NCEH1: variants seen among roughly 807,000 people sequenced by gnomAD.
NCEH1 encodes the protein 2-acetyl MAGE hydrolase.
A neutral mutation model predicts 25.4 loss-of-function variants in NCEH1; 9 were observed. The ratio of observed to expected loss-of-function variants is 0.35; its 90% confidence interval spans 0.21 to 0.62. The LOEUF is 0.62. Ranked by LOEUF, NCEH1 falls within the 20% of genes least tolerant of loss-of-function variation. The pLI, the probability that NCEH1 is intolerant of heterozygous loss-of-function variation, is 0.72. For synonymous variants in NCEH1, 200 were observed against 199.8 expected (o/e 1.00, Z -0.01); for missense variants, 412 against 501.1 (o/e 0.82, Z 1.70).
In NCEH1 at chr3:172,643,712, T is replaced by C. The variant is rs560213949; in HGVS notation, c.437+1911A>G. Reference sequence around the variant, plus strand: ...TAGGGCATGTGGCCAAATAGTGATATTGAAGCCCGGAGGGTAGGCCCTGTG... The same window carrying C: ...TAGGGCATGTGGCCAAATAGTGATACTGAAGCCCGGAGGGTAGGCCCTGTG... On this transcript the variant is annotated intron_variant, in intron 3 of 4. Transcript: ENST00000475381. Among the ~76,000 whole-genome samples, 7 of 152,294 alleles carry C rather than the reference T, an allele frequency of 4.6e-5. No homozygotes were observed. In the East Asian group the frequency reaches 9.7e-4, roughly 21 times the overall value.
chr3:172,645,583 T>A (rs1717079732), intron 3 of NCEH1, 40 bp downstream of exon 3: 1 of 1,312,180 alleles, frequency 7.6e-7, no homozygotes, highest in African/African-American at 1.5e-5. Context: ...TAGAATTCCT[T>A]TATAAGAAAA....
At chr3:172,663,232 C>G (rs928547421) in intron 1 of NCEH1, among the ~76,000 whole-genome samples, 1 of 152,166 alleles carries the variant, frequency 6.6e-6, no homozygotes, top group Admixed American at 6.5e-5. Context: ...AGTAGTAATT[C>G]AGGAGCAGGT....
chr3:172,696,685 C>T (rs1467408979), intron 1 of NCEH1, among the ~76,000 whole-genome samples: 1 of 152,158 alleles, frequency 6.6e-6, no homozygotes, highest in Non-Finnish European at 1.5e-5. Flanking sequence ...AGTCCATGCT[C>T]GTAAACACTA....
intron 1 of NCEH1, among the ~76,000 whole-genome samples, chr3:172,675,009 A>G (rs1711882621): frequency 1.3e-5 from 2 of 152,240 alleles, no homozygotes; most frequent in African/African-American, 4.8e-5. Context: ...AATACATTTT[A>G]TATAAGAAAG....
chr3:172,709,663 T>C (rs747387630), intron 1 of NCEH1, among the ~76,000 whole-genome samples: 6 of 152,172 alleles, frequency 3.9e-5, no homozygotes, highest in East Asian at 1.9e-4. Flanking sequence ...GGACTTTTCA[T>C]AGGATAAAGC....
intron 3 of NCEH1, among the ~76,000 whole-genome samples, chr3:172,642,621 A>G (rs907539176): frequency 8.0e-5 from 12 of 149,506 alleles, no homozygotes; most frequent in Non-Finnish European, 1.2e-4. Context: ...AAAAAAAAAA[A>G]AAAGAAAAAG....
intron 1 of NCEH1, among the ~76,000 whole-genome samples, chr3:172,651,850 C>T (rs1025390071): frequency 6.6e-6 from 1 of 152,096 alleles, no homozygotes; most frequent in Non-Finnish European, 1.5e-5. Context: ...TGAGCCACCG[C>T]GCCCGGCCGA....
intron 1 of NCEH1, among the ~76,000 whole-genome samples, chr3:172,701,950 C>T (rs971491544): frequency 6.6e-6 from 1 of 152,168 alleles, no homozygotes; most frequent in African/African-American, 2.4e-5. Context: ...ACTTTAAGCT[C>T]CAGCCAGTCT....
intron 1 of NCEH1, among the ~76,000 whole-genome samples, chr3:172,649,301 CTATAT>C (rs1453132619): frequency 2.0e-5 from 3 of 151,986 alleles, no homozygotes; most frequent in African/African-American, 7.3e-5. Context: ...TTAGAAAGCA[CTATAT>C]TATAACAGCA....
chr3:172,657,856 C>T (rs1340726663), intron 1 of NCEH1, among the ~76,000 whole-genome samples: 1 of 152,180 alleles, frequency 6.6e-6, no homozygotes, highest in East Asian at 1.9e-4. Flanking sequence ...TTTGGCAATG[C>T]CCTTCACTGG....
intron 1 of NCEH1, among the ~76,000 whole-genome samples, chr3:172,652,784 C>T (rs1463410754): frequency 6.6e-6 from 1 of 152,168 alleles, no homozygotes; most frequent in Non-Finnish European, 1.5e-5. Context: ...CAACCTTTGC[C>T]TCCCTGGTTG....
chr3:172,655,243 C>T (rs1717633182), intron 1 of NCEH1, among the ~76,000 whole-genome samples: 1 of 152,164 alleles, frequency 6.6e-6, no homozygotes, highest in African/African-American at 2.4e-5. Flanking sequence ...TAGAACAGTT[C>T]TAGAGGTCTT....
chr3:172,633,599 A>AC lies in NCEH1; in HGVS notation c.1102dup (p.Val368GlyfsTer7). The stretch of plus-strand genomic sequence containing the variant: ...GCCATCCTCAAAGTGATCCAGGGTC[A>AC]CCTCCACACCGGCACTCTCCAAACG... On this transcript the variant is annotated frameshift_variant, in exon 5 of 5. Transcript: ENST00000475381. LOFTEE classifies it high-confidence loss of function. 3.1e-6 allele frequency: 5 copies of AC among 1,614,038 alleles called. No individual in the cohort carries two copies. The highest frequency in any genetic ancestry group is 4.2e-6 in the Non-Finnish European group (5 of 1,180,014).
chr3:172,673,105 T>TGAA (rs1711737167), intron 1 of NCEH1, among the ~76,000 whole-genome samples: 1 of 152,220 alleles, frequency 6.6e-6, no homozygotes, highest in Non-Finnish European at 1.5e-5. Context: ...TTCTCCTCTC[T>TGAA]AAGCCAGGCC....
chr3:172,672,118 G>C (rs1395033972), intron 1 of NCEH1, among the ~76,000 whole-genome samples: 4 of 152,092 alleles, frequency 2.6e-5, no homozygotes, highest in Non-Finnish European at 1.5e-5. Context: ...ATCATATTTT[G>C]CTGTACCTTT....
chr3:172,654,159 C>A (rs769538789), intron 1 of NCEH1, among the ~76,000 whole-genome samples: 1 of 152,146 alleles, frequency 6.6e-6, no homozygotes, highest in Non-Finnish European at 1.5e-5. Flanking sequence ...AGGAGGCATG[C>A]GCAGCACAGA....
At chr3:172,671,237 G>T (rs1209732416) in intron 1 of NCEH1, among the ~76,000 whole-genome samples, 1 of 152,180 alleles carries the variant, frequency 6.6e-6, no homozygotes, top group Non-Finnish European at 1.5e-5. Context: ...TCAGAAACCA[G>T]AAAGTAGGAT....
At chr3:172,638,372 G>A (rs1189248288) in intron 3 of NCEH1, among the ~76,000 whole-genome samples, 1 of 150,926 alleles carries the variant, frequency 6.6e-6, no homozygotes, top group Non-Finnish European at 1.5e-5. Context: ...TCCATCTGGG[G>A]TGGTCAATTA....
intron 1 of NCEH1, among the ~76,000 whole-genome samples, chr3:172,667,215 C>G (rs1216611405): frequency 6.6e-6 from 1 of 152,206 alleles, no homozygotes; most frequent in Non-Finnish European, 1.5e-5. Flanking sequence ...AACGGCCATT[C>G]GGTTCCTATG....
Sources: gnomAD v4.1 joint callset for allele counts (sites outside exome capture counted in the v4.1 genomes callset) on GRCh38, gnomAD v4.1.1 for gene constraint, MANE v1.5 for transcripts, NCBI Gene and HGNC (gene_info 2026-07-23, HGNC 2026-07-21) for gene names.